Variants in GUCY1A2 observed in about 807,000 individuals in gnomAD.
GUCY1A2 encodes the protein guanylate cyclase 1 soluble subunit alpha 2.
A neutral mutation model predicts 63.5 loss-of-function variants in GUCY1A2; 27 were observed. The ratio of observed to expected loss-of-function variants is 0.43; its 90% CI spans 0.31 to 0.59. GUCY1A2 has a LOEUF of 0.59. Ranked by LOEUF, GUCY1A2 falls within the 20% of genes least tolerant of loss-of-function variation. The probability of loss-of-function intolerance (pLI) is 0.11; values close to 1 mark genes in which losing one functional copy is unlikely to be tolerated. For synonymous variants in GUCY1A2, 364 were observed against 343.5 expected (o/e 1.06, Z -0.66); for missense variants, 768 against 913.3 (o/e 0.84, Z 2.05).
At position 106,870,827 on chromosome 11, in the gene GUCY1A2, G is replaced by A. The variant is rs56907885; in HGVS notation, c.1207-60349C>T. On this transcript the variant is annotated intron_variant, in intron 4 of 7. Coordinates refer to ENST00000526355, the MANE Select transcript of GUCY1A2 (RefSeq NM_000855.3). ...TTGTTTTAATTAATTGATGTATGTG[G>A]TTTCGCCTAAAGCCATACATCATAT... 8.8e-3 allele frequency among the ~76,000 whole-genome samples: 1,339 copies of A among 152,112 alleles called. 17 individuals are homozygous for A. Among genetic ancestry groups the A allele is most frequent in the African/African-American group, 0.031 (1,277 of 41,510 alleles).
chr11:106,783,136 G>C (rs1864495009), intron 5 of GUCY1A2, among the ~76,000 whole-genome samples: 2 of 152,150 alleles, frequency 1.3e-5, no homozygotes, highest in Non-Finnish European at 2.9e-5. Flanking sequence ...AACTCATAAA[G>C]ACCTACATCA....
intron 6 of GUCY1A2, among the ~76,000 whole-genome samples, chr11:106,742,103 TGTTGTTATCAAAATACACTCAA>T: frequency 6.6e-6 from 1 of 152,346 alleles, no homozygotes; most frequent in East Asian, 1.9e-4. Flanking sequence ...TCACAGTTCA[TGTTGTTATCAAAATACACTCAA>T]CAAAATCAAA....
At chr11:107,009,622 A>G (rs1861716915) in intron 1 of GUCY1A2, among the ~76,000 whole-genome samples, 1 of 152,254 alleles carries the variant, frequency 6.6e-6, no homozygotes, top group South Asian at 2.1e-4. Flanking sequence ...AGATAATTAA[A>G]GCTACAAATG....
chr11:106,806,544 T>G (rs75224878), intron 5 of GUCY1A2, among the ~76,000 whole-genome samples: 4,835 of 152,310 alleles, frequency 0.032, 259 homozygotes, highest in African/African-American at 0.11. Flanking sequence ...TATATGCCAT[T>G]GATTTACAAA....
chr11:106,983,487 C>T (rs1325007337), intron 2 of GUCY1A2, among the ~76,000 whole-genome samples: 2 of 152,154 alleles, frequency 1.3e-5, no homozygotes, highest in Non-Finnish European at 2.9e-5. Context: ...TTGGCAGACA[C>T]AAAAAGCCTC....
intron 4 of GUCY1A2, among the ~76,000 whole-genome samples, chr11:106,819,030 T>A (rs559774624): frequency 6.6e-6 from 1 of 152,286 alleles, no homozygotes; most frequent in South Asian, 2.1e-4. Flanking sequence ...CCCTCGGTGA[T>A]GACTTGGAGA....
chr11:106,991,946 C>T (rs918454547), intron 1 of GUCY1A2, among the ~76,000 whole-genome samples: 2 of 152,164 alleles, frequency 1.3e-5, no homozygotes, highest in African/African-American at 4.8e-5. Context: ...TTCACATCAC[C>T]ACATGAGGTA....
chr11:106,920,618 A>G (rs1860429854), intron 4 of GUCY1A2, among the ~76,000 whole-genome samples: 1 of 152,098 alleles, frequency 6.6e-6, no homozygotes, highest in Non-Finnish European at 1.5e-5. Flanking sequence ...CATTTGTTTA[A>G]ACATTTCCAT....
intron 6 of GUCY1A2, among the ~76,000 whole-genome samples, chr11:106,763,731 G>A (rs1456260640): frequency 2.0e-5 from 3 of 152,066 alleles, no homozygotes; most frequent in Non-Finnish European, 4.4e-5. Flanking sequence ...CACTCATGCA[G>A]TTCAGTCTGC....
At chr11:106,879,265 G>A (rs1473798215) in intron 4 of GUCY1A2, among the ~76,000 whole-genome samples, 2 of 152,070 alleles carry the variant, frequency 1.3e-5, no homozygotes, top group African/African-American at 4.8e-5. Context: ...TCGATGGCGT[G>A]ATTCATACAA....
At chr11:106,965,926 T>TAAAA (rs5794511) in intron 3 of GUCY1A2, among the ~76,000 whole-genome samples, 3 of 145,936 alleles carry the variant, frequency 2.1e-5, no homozygotes, top group South Asian at 2.2e-4. Context: ...AAGTGAAGGT[T>TAAAA]AAAAAAAAAA....
At chr11:106,816,167 T>TAAAAAAAAAAA (rs60263721) in intron 4 of GUCY1A2, among the ~76,000 whole-genome samples, 1 of 92,016 alleles carries the variant, frequency 1.1e-5, no homozygotes, top group Non-Finnish European at 2.1e-5. Context: ...ACTCTTTCTT[T>TAAAAAAAAAAA]AAAAAAAAAA....
chr11:106,990,190 C>A (rs1861452754), intron 1 of GUCY1A2, among the ~76,000 whole-genome samples: 1 of 152,188 alleles, frequency 6.6e-6, no homozygotes, highest in Non-Finnish European at 1.5e-5. Flanking sequence ...AAAGAGGAAG[C>A]AGCCATCAGT....
chr11:106,757,309 C>T (rs1354218363), intron 6 of GUCY1A2, among the ~76,000 whole-genome samples: 3 of 152,052 alleles, frequency 2.0e-5, no homozygotes, highest in Non-Finnish European at 2.9e-5. Flanking sequence ...TCCTTTAGCT[C>T]GGAGAAGTTT....
At position 106,897,656 on chromosome 11, in the gene GUCY1A2, CA is replaced by C. The variant is rs1022527043; in HGVS notation, c.1206+41803del. On this transcript the variant is annotated intron_variant, in intron 4 of 7. Coordinates refer to ENST00000526355, the MANE Select transcript of GUCY1A2 (RefSeq NM_000855.3). ...GCTAGAACAACTGGACATCGAATTA[CA>C]AAAAAAAAAATTGAATCTAGATACA... is the stretch of plus-strand genomic sequence containing the variant. Among the ~76,000 whole-genome samples the C allele has an allele frequency of 1.0e-3, 148 of 143,630 alleles. 2 individuals are homozygous for C. The highest frequency in any genetic ancestry group is 2.2e-3 in the South Asian group (10 of 4,564). 94.2% of individuals were successfully genotyped at this position (143,630 alleles called of 152,430 possible).
At chr11:106,729,740 G>C (rs1236874476) in intron 6 of GUCY1A2, among the ~76,000 whole-genome samples, 1 of 152,022 alleles carries the variant, frequency 6.6e-6, no homozygotes, top group African/African-American at 2.4e-5. Flanking sequence ...AGGCTAGAAA[G>C]AGTGAAAATA....
intron 6 of GUCY1A2, among the ~76,000 whole-genome samples, chr11:106,761,619 C>T (rs945690181): frequency 6.6e-6 from 1 of 152,128 alleles, no homozygotes; most frequent in Admixed American, 6.6e-5. Flanking sequence ...TACTTGAACA[C>T]ACTAATAACT....
At position 106,676,073 on chromosome 11, in the gene GUCY1A2, T is replaced by A. The variant is rs943989037; in HGVS notation, c.*11476A>T. On this transcript the variant is annotated 3_prime_UTR_variant, in exon 8 of 8. Transcript: ENST00000526355. ...TGTATAATTTTCTATTAACACAAAC[T>A]TATGTCATGAAGATAATTAAGTGGT... 2 of 183,494 alleles carry A rather than the reference T, an allele frequency of 1.1e-5. No homozygotes were observed. Among genetic ancestry groups the A allele is most frequent in the African/African-American group, 4.7e-5 (2 of 42,556 alleles). The allele number at this position is 183,494 out of a possible 1,614,324, so 11.4% of individuals were successfully genotyped here. A position where few individuals can be genotyped will look rare whatever the true frequency, so the allele number is the denominator to read the frequency against.
chr11:106,700,101 A>G (rs1862793780), intron 7 of GUCY1A2, among the ~76,000 whole-genome samples: 1 of 152,126 alleles, frequency 6.6e-6, no homozygotes, highest in Admixed American at 6.5e-5. Context: ...TATGAAAACA[A>G]CCAACCACTT....
Sources: allele counts gnomAD v4.1 joint callset (sites outside exome capture counted in the v4.1 genomes callset), GRCh38; gene constraint gnomAD v4.1.1; transcripts MANE v1.5; gene names NCBI Gene and HGNC (gene_info 2026-07-23, HGNC 2026-07-21).